PON1: variants seen among roughly 807,000 people sequenced by gnomAD.
PON1 encodes paraoxonase 1, also known as serum paraoxonase/arylesterase 1.
Under a neutral mutation model 39.2 loss-of-function variants are expected in PON1, and 37 were observed. The ratio of observed to expected loss-of-function variants is 0.94; its 90% CI spans 0.73 to 1.24. The LOEUF is 1.24. PON1 is among the 50% of genes most tolerant of loss of function. The pLI is 0.00. For missense variants in PON1, 397 were observed against 413.5 expected (o/e 0.96, Z 0.35); for synonymous variants, 148 against 152.2 (o/e 0.97, Z 0.21).
intron 4 of PON1, among the ~76,000 whole-genome samples, chr7:95,312,642 G>T (rs1001816242): frequency 6.6e-6 from 1 of 152,234 alleles, no homozygotes; most frequent in Non-Finnish European, 1.5e-5. Context: ...ATAAGAGAAC[G>T]AATAATGTGG....
chr7:95,312,049 G>T (rs938950190), intron 4 of PON1, among the ~76,000 whole-genome samples: 1 of 152,194 alleles, frequency 6.6e-6, no homozygotes, highest in Admixed American at 6.5e-5. Flanking sequence ...GGATAAGTGG[G>T]ACTTTAAGAA....
intron 8 of PON1, 45 bp from the exon 9 acceptor site, chr7:95,299,147 TAAAAC>T (rs1292583741): frequency 3.2e-6 from 5 of 1,563,072 alleles, no homozygotes; most frequent in African/African-American, 2.7e-5. Context: ...TTAAGTCACT[TAAAAC>T]AACCTTATGC....
In PON1 at chr7:95,302,244, T is replaced by G; in HGVS notation, c.870A>C (p.Lys290Asn). The change falls in exon 8 of 9, where the codon AAA becomes AAC. Residue 290 changes from lysine (K) to asparagine (N), a missense_variant. Physicochemically the swap from Lys to Asn is moderately conservative, Grantham distance 94 (BLOSUM62 0). Coordinates refer to ENST00000222381, the MANE Select transcript of PON1 (RefSeq NM_000446.7). ...LWVGCHPNGM[K>N]IFFYDSENPP... ...GATTCTCTGAGTCATAGAAGAAGAT[T>G]TTCATGCCATTGGGATGGCATCCAA... 2 of 1,612,976 alleles carry G rather than the reference T, an allele frequency of 1.2e-6. No individual in the cohort carries two copies. The highest frequency in any genetic ancestry group is 1.7e-6 in the Non-Finnish European group (2 of 1,179,140).
At chr7:95,320,711 C>T (rs1181104675) in intron 1 of PON1, among the ~76,000 whole-genome samples, 6 of 152,144 alleles carry the variant, frequency 3.9e-5, no homozygotes, top group Non-Finnish European at 8.8e-5. Flanking sequence ...GAAAATTGAC[C>T]CACCTGTGTT....
Position 95,302,317 on chromosome 7 carries a change from G to A in PON1, c.797C>T (p.Thr266Ile), listed in dbSNP as rs752865207. The change falls in exon 8 of 9, where the codon ACC (threonine) becomes ATC (isoleucine). Residue 266 changes from threonine to isoleucine, a missense_variant. Physicochemically the swap from Thr to Ile is moderately conservative, Grantham distance 89 (BLOSUM62 -1). Coordinates refer to ENST00000222381, the MANE Select transcript of PON1 (RefSeq NM_000446.7). ...ATCCACAGATATGTTATCCACGAGG[G>A]TATTAAAGTCAAGGGACTTAAAAGA... Reference protein sequence around the residue: ...LTPLKSLDFNTLVDNISVDPE... With the variant: ...LTPLKSLDFNILVDNISVDPE... The A allele has an allele frequency of 6.2e-7, 1 of 1,607,828 alleles. No homozygotes were observed. The highest frequency in any genetic ancestry group is 8.5e-7 in the Non-Finnish European group (1 of 1,174,668).
Position 95,318,472 on chromosome 7 carries a change from A to C in PON1, c.75-79T>G, listed in dbSNP as rs551167661. On this transcript the variant is annotated intron_variant, in intron 1 of 8. Coordinates refer to ENST00000222381, the MANE Select transcript of PON1 (RefSeq NM_000446.7). ...AGTTGCAAAGGTAGGCAGTCCACAA[A>C]AGTTCTCCTTCACTGTACTTTGCCT... 1.8e-5 allele frequency: 24 copies of C among 1,321,802 alleles called. No individual in the cohort carries two copies. In the African/African-American group the frequency reaches 3.0e-4, roughly 17 times the overall value. The allele number at this position is 1,321,802 out of a possible 1,614,324, so 81.9% of individuals were successfully genotyped here.
intron 1 of PON1, among the ~76,000 whole-genome samples, chr7:95,323,139 C>T (rs577564276): frequency 6.6e-6 from 1 of 152,162 alleles, no homozygotes; most frequent in Admixed American, 6.5e-5. Flanking sequence ...ACAGGGAGCC[C>T]CTAGGTGATG....
Position 95,316,718 on chromosome 7 carries a change from G to T in PON1, c.201+16C>A, listed in dbSNP as rs376396653. On this transcript the variant is annotated intron_variant, in intron 3 of 8. Coordinates refer to ENST00000222381, the MANE Select transcript of PON1 (RefSeq NM_000446.7). ...AAAACGTTCTAGAACACAGAAAAGT[G>T]AAAGAAAACACTCACAGAGCTAATG... 3.0e-5 allele frequency: 48 copies of T among 1,609,656 alleles called. 1 individual carries two copies. Among genetic ancestry groups the T allele is most frequent in the Admixed American group, 1.5e-4 (9 of 59,978 alleles).
intron 7 of PON1, among the ~76,000 whole-genome samples, chr7:95,303,849 A>G (rs1807484146): frequency 6.6e-6 from 1 of 152,216 alleles, no homozygotes; most frequent in African/African-American, 2.4e-5. Context: ...CTCTTTGGGA[A>G]AAACAGAGTA....
Position 95,315,315 on chromosome 7 carries a change from T to C in PON1, c.370+7A>G, listed in dbSNP as rs759331330. 10 of 1,609,496 alleles carry C rather than the reference T, an allele frequency of 6.2e-6. No homozygotes were observed. In the South Asian group the frequency reaches 1.1e-4, roughly 18 times the overall value. On this transcript the variant is annotated splice_region_variant and intron_variant, in intron 4 of 8. Transcript: ENST00000222381. ...TTTTGGTTTTAATAAATAGTAAATA[T>C]TGTTACCTTCATCTGTGAATGTGCT...
intron 1 of PON1, 28 bp downstream of exon 1, chr7:95,324,374 C>G (rs1248407445): frequency 6.2e-7 from 1 of 1,609,858 alleles, no homozygotes; most frequent in South Asian, 1.1e-5. Flanking sequence ...AGGACGAAGG[C>G]TGCAGCCCTC....
At chr7:95,306,468 G>A in intron 6 of PON1, 102 bp from the exon 7 acceptor site, 6 of 896,088 alleles carry the variant, frequency 6.7e-6, no homozygotes, top group Non-Finnish European at 9.2e-6. Flanking sequence ...CTTTGCTTAA[G>A]GAATGGAAAA....
Position 95,306,338 on chromosome 7 carries a change from G to T in PON1, c.727C>A (p.His243Asn). The change falls in exon 7 of 9, where the codon CAT (histidine) becomes AAT (asparagine). Residue 243 changes from histidine to asparagine, a missense_variant. Transcript: ENST00000222381. ...KYVYIAELLAHKIHVYEKHAN... is the reference protein window; with the variant it reads ...KYVYIAELLANKIHVYEKHAN... ...TGCTTTTCATACACATGAATCTTATGAGCCAGCAACTCAGCTATATAGACA... is the reference window on the plus strand; with the variant it reads ...TGCTTTTCATACACATGAATCTTATTAGCCAGCAACTCAGCTATATAGACA... The T allele has an allele frequency of 6.2e-7, 1 of 1,612,844 alleles. No individual in the cohort carries two copies. The highest frequency in any genetic ancestry group is 8.5e-7 in the Non-Finnish European group (1 of 1,179,128).
At chr7:95,315,228 G>A in intron 4 of PON1, 94 bp downstream of exon 4, 1 of 1,163,488 alleles carries the variant, frequency 8.6e-7, no homozygotes, top group South Asian at 1.3e-5. Flanking sequence ...ACTATGCTTT[G>A]TTTGAATGAG....
At chr7:95,311,693 G>T in intron 4 of PON1, 116 bp from the exon 5 acceptor site, 1 of 1,100,538 alleles carries the variant, frequency 9.1e-7, no homozygotes, top group Non-Finnish European at 1.4e-6. Flanking sequence ...CAGGCAGATG[G>T]AATATTTTCA....
chr7:95,318,698 G>C, intron 1 of PON1: 1 of 302,382 alleles, frequency 3.3e-6, no homozygotes, highest in South Asian at 4.1e-5. Context: ...GGACTCCTAG[G>C]TGGAAAGTCC....
At chr7:95,316,911 A>G (rs35409956) in intron 2 of PON1, 122 bp from the exon 3 acceptor site, 1 of 755,458 alleles carries the variant, frequency 1.3e-6, no homozygotes, top group Admixed American at 1.9e-5. Context: ...ATAGGTTCAG[A>G]ATAATTCATT....
chr7:95,308,876 T>C (rs1051554251), intron 5 of PON1, among the ~76,000 whole-genome samples: 6 of 152,016 alleles, frequency 3.9e-5, no homozygotes, highest in East Asian at 1.9e-4. Flanking sequence ...TTTTTTTTTT[T>C]CCTTTCTGAT....
intron 8 of PON1, 101 bp downstream of exon 8, chr7:95,302,096 CAAAAAAAA>C (rs770841829): frequency 3.5e-4 from 112 of 321,974 alleles, no homozygotes; most frequent in African/African-American, 2.8e-3. Context: ...TACTCTGTCA[CAAAAAAAA>C]AAAAAAAAAA....
Sources: gnomAD v4.1 joint callset for allele counts (sites outside exome capture counted in the v4.1 genomes callset) on GRCh38, gnomAD v4.1.1 for gene constraint, MANE v1.5 for transcripts, NCBI Gene and HGNC (gene_info 2026-07-23, HGNC 2026-07-21) for gene names.